The following MORC2 variants were observed in gnomAD, a reference collection of about 807,000 sequenced individuals.
MORC2 encodes the protein ATPase MORC2.
A neutral mutation model predicts 136.0 loss-of-function variants in MORC2; 30 were observed. That is an observed-to-expected ratio of 0.22 (90% CI 0.17 to 0.30). The LOEUF (loss-of-function observed/expected upper bound fraction) is 0.30, where lower values mean the gene tolerates loss of function less well. Among genes scored for constraint, MORC2 ranks in the 10% least tolerant of loss-of-function variants. The pLI, the probability that MORC2 is intolerant of heterozygous loss-of-function variation, is 1.00. For missense variants in MORC2, 922 were observed against 1,333.1 expected (o/e 0.69, Z 4.80); for synonymous variants, 439 against 487.0 (o/e 0.90, Z 1.30).
chr22:30,937,079 C>A lies in MORC2; in HGVS notation c.1499-42G>T. ...AACCCCACATATCAGCCACGCCCAC[C>A]AACTCTATCTGTAATCCGGGTTCCT... On this transcript the variant is annotated intron_variant, in intron 15 of 25. Coordinates refer to ENST00000397641, the MANE Select transcript of MORC2 (RefSeq NM_001303256.3). This position sits in a 1 kb window ranked among gnomAD's most constrained non-coding sequence, Gnocchi z 4.7. The A allele has an allele frequency of 7.0e-7, 1 of 1,425,442 alleles. No individual in the cohort carries two copies. The highest frequency in any genetic ancestry group is 9.9e-7 in the Non-Finnish European group (1 of 1,011,088). 88.3% of individuals were successfully genotyped at this position (1,425,442 alleles called of 1,614,324 possible).
Position 30,934,681 on chromosome 22 carries a change from T to C in MORC2, c.2193+100A>G. ...GGCAGCAGCAAAGCTTTAGATTCAG[T>C]ATCTTCCGAAGGCTCCCCCAGTACA... On this transcript the variant is annotated intron_variant, in intron 19 of 25. Transcript: ENST00000397641. This position sits in a 1 kb window ranked among gnomAD's most constrained non-coding sequence, Gnocchi z 4.4. 6.8e-7 allele frequency: 1 copy of C among 1,473,524 alleles called. No individual in the cohort carries two copies. Among genetic ancestry groups the C allele is most frequent in the South Asian group, 1.3e-5 (1 of 77,082 alleles). The allele number at this position is 1,473,524 out of a possible 1,614,324, so 91.3% of individuals were successfully genotyped here.
intron 3 of MORC2, among the ~76,000 whole-genome samples, chr22:30,955,666 GAA>G (rs888486856): frequency 1.3e-5 from 2 of 152,116 alleles, no homozygotes; most frequent in Admixed American, 1.3e-4. Context: ...GAGGATTTCA[GAA>G]AAGTCTGTCA....
Position 30,934,005 on chromosome 22 carries a change from G to A in MORC2, c.2325+55C>T. The A allele has an allele frequency of 1.2e-6, 2 of 1,605,484 alleles. No homozygotes were observed. Among genetic ancestry groups the A allele is most frequent in the East Asian group, 4.5e-5 (2 of 44,836 alleles). On this transcript the variant is annotated intron_variant, in intron 20 of 25. Coordinates refer to ENST00000397641, the MANE Select transcript of MORC2 (RefSeq NM_001303256.3). This position sits in a 1 kb window ranked among gnomAD's most constrained non-coding sequence, Gnocchi z 4.4. ...CTGATGGGGGGTGCAGACTGCTGGT[G>A]GGGGCTGCAGGCCCTAGAGAGAGAG...
In MORC2 at chr22:30,931,024, T is replaced by C. The variant is rs574494239; in HGVS notation, c.2841+1335A>G. ...ACCTGAGTCACTTGCCTACAATCCA[T>C]GATCAGTCTCCTGACGACCTCTGAC... On this transcript the variant is annotated intron_variant, in intron 24 of 25. Transcript: ENST00000397641. 1.0e-3 allele frequency among the ~76,000 whole-genome samples: 159 copies of C among 152,316 alleles called. 1 individual carries two copies. The highest frequency in any genetic ancestry group is 4.1e-3 in the Admixed American group (63 of 15,296).
rs1452321669 is a variant in MORC2, at chr22:30,932,016, A to T, written c.2841+343T>A. Among the ~76,000 whole-genome samples the T allele has an allele frequency of 2.0e-5, 3 of 152,250 alleles. No individual in the cohort carries two copies. The highest frequency in any genetic ancestry group is 2.9e-5 in the Non-Finnish European group (2 of 68,050). On this transcript the variant is annotated intron_variant, in intron 24 of 25. Transcript: ENST00000397641. The surrounding 1 kb of genome is among the most constrained non-coding windows in gnomAD (Gnocchi z 4.4). ...CCTCAGCTCTTCACTGTTGCCTGGG[A>T]CAGGTTTACTCCCTCTACTGGGGCA...
chr22:30,947,177 T>C (rs751022243), intron 5 of MORC2, among the ~76,000 whole-genome samples: 4 of 152,262 alleles, frequency 2.6e-5, no homozygotes, highest in Non-Finnish European at 4.4e-5. Context: ...AAGCTCATTA[T>C]GACACAGGCA....
chr22:30,952,671 AACAG>A (rs920519306), intron 3 of MORC2, among the ~76,000 whole-genome samples: 3 of 152,240 alleles, frequency 2.0e-5, no homozygotes, highest in African/African-American at 4.8e-5. Context: ...CAACTTTGTA[AACAG>A]ACAGTGTGGT....
rs770253187 is a variant in MORC2 at position 30,928,241 on chromosome 22, AGTT to A, written c.2842-37_2842-35del. ...AGCAGAGCAAGAGGGAGAGTGTGTA[AGTT>A]CACAGGGGTCCCCAGGGCCCTTCTA... is the stretch of plus-strand genomic sequence containing the variant. On this transcript the variant is annotated intron_variant, in intron 24 of 25. Transcript: ENST00000397641. 1.9e-5 allele frequency: 30 copies of A among 1,612,344 alleles called. No homozygotes were observed. The African/African-American group carries it at 3.3e-4, about 18-fold the overall frequency.
intron 5 of MORC2, among the ~76,000 whole-genome samples, chr22:30,948,895 T>C (rs961661551): frequency 5.3e-5 from 8 of 152,120 alleles, no homozygotes; most frequent in Non-Finnish European, 1.0e-4. Context: ...AAAGTCCGGA[T>C]ACCAGGTCCT....
intron 24 of MORC2, among the ~76,000 whole-genome samples, chr22:30,931,950 T>A (rs1402198587): frequency 6.6e-6 from 1 of 152,224 alleles, no homozygotes; most frequent in African/African-American, 2.4e-5. Flanking sequence ...CACAAGTTTC[T>A]CTATACCTCC....
chr22:30,962,207 CAAAA>C (rs1161969549), intron 1 of MORC2, among the ~76,000 whole-genome samples: 1 of 109,148 alleles, frequency 9.2e-6, no homozygotes, highest in Non-Finnish European at 1.9e-5. Context: ...AACTCCACCT[CAAAA>C]AAAAAAAAAG....
At chr22:30,950,339 A>ACACACC in intron 4 of MORC2, 38 bp downstream of exon 4, 1 of 539,986 alleles carries the variant, frequency 1.9e-6, no homozygotes, top group South Asian at 1.7e-5. Context: ...GTTACATCGC[A>ACACACC]CCCCCCCACC....
chr22:30,933,931 G>A, intron 20 of MORC2, 129 bp downstream of exon 20: 2 of 1,084,430 alleles, frequency 1.8e-6, no homozygotes, highest in South Asian at 3.0e-5. Context: ...TGGTGGGGGG[G>A]GTAGACTGCT....
chr22:30,947,572 T>TC (rs1446896612), intron 5 of MORC2, among the ~76,000 whole-genome samples: 3 of 152,070 alleles, frequency 2.0e-5, no homozygotes, highest in Non-Finnish European at 4.4e-5. Context: ...ATGCCCCATT[T>TC]CCCCAAACAC....
intron 1 of MORC2, among the ~76,000 whole-genome samples, chr22:30,961,577 C>G (rs184296827): frequency 6.6e-6 from 1 of 152,034 alleles, no homozygotes; most frequent in Non-Finnish European, 1.5e-5. Context: ...GTACTTTTAA[C>G]GTAAATCAAG....
At chr22:30,935,627 T>C (rs1036963950) in intron 17 of MORC2, among the ~76,000 whole-genome samples, 1 of 152,040 alleles carries the variant, frequency 6.6e-6, no homozygotes, top group Admixed American at 6.6e-5. Context: ...AAAACCTGGA[T>C]GAAGCCAGAA....
intron 1 of MORC2, among the ~76,000 whole-genome samples, chr22:30,964,895 T>C (rs911245002): frequency 6.8e-6 from 1 of 146,612 alleles, no homozygotes; most frequent in Non-Finnish European, 1.5e-5. Flanking sequence ...CAACTTCTGG[T>C]TTATATAAAC....
intron 12 of MORC2, among the ~76,000 whole-genome samples, chr22:30,939,031 A>T (rs1406184553): frequency 1.3e-5 from 2 of 152,230 alleles, no homozygotes; most frequent in Non-Finnish European, 2.9e-5. Flanking sequence ...GCCTGTGCCA[A>T]GGAGGCCAAC....
intron 16 of MORC2, 95 bp from the exon 17 acceptor site, chr22:30,936,738 G>A (rs5997815): frequency 7.3e-6 from 11 of 1,499,324 alleles, no homozygotes; most frequent in African/African-American, 1.4e-5. Flanking sequence ...TCTGTCACAA[G>A]AGCAACCACC....
Sources: allele counts gnomAD v4.1 joint callset (sites outside exome capture counted in the v4.1 genomes callset), GRCh38; gene constraint gnomAD v4.1.1; non-coding constraint Gnocchi (gnomAD v3.1); transcripts MANE v1.5; gene names NCBI Gene and HGNC (gene_info 2026-07-23, HGNC 2026-07-21).